REV3L: variants seen among roughly 807,000 people sequenced by gnomAD.
The protein encoded by REV3L is DNA polymerase zeta catalytic subunit.
In REV3L, 69 loss-of-function variants were observed where a neutral mutation model predicts 299.4. The observed-to-expected ratio is 0.23, with a 90% CI of 0.19 to 0.28. The LOEUF is 0.28. Among genes scored for constraint, REV3L ranks in the 10% least tolerant of loss-of-function variants. REV3L has a pLI of 1.00. For missense variants in REV3L, 3,128 were observed against 3,693.8 expected, an observed-to-expected ratio of 0.85 and a Z score of 3.97; for synonymous variants, 1,238 against 1,271.4, an observed-to-expected ratio of 0.97 and a Z score of 0.56.
In REV3L at chr6:111,367,129, C is replaced by G; in HGVS notation, c.6659G>C (p.Ser2220Thr). ...TGTACACTTACCTGTTGATAATGGG[C>G]TAAGGCCAGGTGCTTCAGGAAGCCT... ...LERLPEAPGL[S>T]PLSTEPKTQK... The change falls in exon 14 of 32, where the codon AGC (serine) becomes ACC (threonine). Residue 2220 changes from serine (S) to threonine (T), a missense_variant. By Grantham distance (58) the Ser-to-Thr change is moderately conservative. Coordinates refer to ENST00000368802, the MANE Select transcript of REV3L (RefSeq NM_001372078.1). 1.9e-6 allele frequency: 3 copies of G among 1,591,086 alleles called. No homozygotes were observed. The highest frequency in any genetic ancestry group is 2.6e-6 in the Non-Finnish European group (3 of 1,171,822).
rs992396560 is a variant in REV3L at position 111,299,205 on chromosome 6, T to TTAAC, written c.*807_*810dup. ...GTGTTCAAGATGATGGCAAATAAGATTAACTGTACAGTACATAAGGAAAGA... is the reference window on the plus strand; with the variant it reads ...GTGTTCAAGATGATGGCAAATAAGATTAACTAACTGTACAGTACATAAGGAAAGA... On this transcript the variant is annotated 3_prime_UTR_variant, in exon 32 of 32. Transcript: ENST00000368802. The TTAAC allele has an allele frequency of 2.0e-5, 3 of 152,588 alleles. No homozygotes were observed. The highest frequency in any genetic ancestry group is 2.9e-5 in the Non-Finnish European group (2 of 68,006). 9.5% of individuals were successfully genotyped at this position (152,588 alleles called of 1,614,324 possible). A position where few individuals can be genotyped will look rare whatever the true frequency, so the allele number is the denominator to read the frequency against.
At chr6:111,378,394 T>G (rs1317777070) in intron 11 of REV3L, among the ~76,000 whole-genome samples, 1 of 152,210 alleles carries the variant, frequency 6.6e-6, no homozygotes, top group African/African-American at 2.4e-5. Context: ...TACCCAATTT[T>G]TTCTTTCACT....
intron 1 of REV3L, among the ~76,000 whole-genome samples, chr6:111,454,241 C>T (rs1477807247): frequency 6.6e-6 from 1 of 151,526 alleles, no homozygotes; most frequent in East Asian, 1.9e-4. Flanking sequence ...CTGTGCTGGA[C>T]CCAATTTCAA....
chr6:111,328,932 GT>G (rs1363978084), intron 25 of REV3L, among the ~76,000 whole-genome samples: 15 of 152,060 alleles, frequency 9.9e-5, no homozygotes, highest in South Asian at 4.1e-4. Context: ...TGCCCGGCTA[GT>G]TTTTGCATTT....
intron 30 of REV3L, 66 bp downstream of exon 30, chr6:111,309,787 T>G: frequency 6.5e-7 from 1 of 1,549,602 alleles, no homozygotes; most frequent in Non-Finnish European, 8.7e-7. Context: ...AAACCTTTAG[T>G]TCTACTGAAA....
intron 26 of REV3L, among the ~76,000 whole-genome samples, chr6:111,315,996 T>C (rs1773475589): frequency 6.6e-6 from 1 of 152,032 alleles, no homozygotes; most frequent in African/African-American, 2.4e-5. Context: ...TCCCAGCATT[T>C]TGGGAGGCCA....
intron 10 of REV3L, 33 bp downstream of exon 10, chr6:111,381,292 A>T: frequency 6.2e-7 from 1 of 1,607,160 alleles, no homozygotes; most frequent in Non-Finnish European, 8.5e-7. Flanking sequence ...CTGAATTACA[A>T]TACTGAATAT....
intron 1 of REV3L, chr6:111,431,153 G>T: frequency 2.6e-6 from 4 of 1,541,778 alleles, no homozygotes; most frequent in Non-Finnish European, 3.6e-6. Context: ...AGCGATCTCA[G>T]CAGCCATGAG....
At chr6:111,336,264 A>G (rs1775887390) in intron 21 of REV3L, among the ~76,000 whole-genome samples, 1 of 152,060 alleles carries the variant, frequency 6.6e-6, no homozygotes, top group Non-Finnish European at 1.5e-5. Flanking sequence ...CAAATCCATA[A>G]AAAGAATTTT....
At chr6:111,453,294 C>T (rs1789770249) in intron 1 of REV3L, among the ~76,000 whole-genome samples, 1 of 152,152 alleles carries the variant, frequency 6.6e-6, no homozygotes, top group South Asian at 2.1e-4. Flanking sequence ...ATTAGAAGTT[C>T]TAATGTACAC....
chr6:111,327,597 T>C (rs1410133797), intron 25 of REV3L, among the ~76,000 whole-genome samples: 2 of 151,002 alleles, frequency 1.3e-5, no homozygotes, highest in Admixed American at 6.6e-5. Context: ...ACATTAGTAA[T>C]ATCATTTCCA....
chr6:111,394,543 C>A (rs1046786105), intron 4 of REV3L, among the ~76,000 whole-genome samples: 7 of 152,002 alleles, frequency 4.6e-5, no homozygotes, highest in African/African-American at 1.7e-4. Context: ...CAAATATTTT[C>A]TCTCATTCTG....
At chr6:111,431,548 T>TG in intron 1 of REV3L, 1 of 808,898 alleles carries the variant, frequency 1.2e-6, no homozygotes, top group South Asian at 1.5e-5. Flanking sequence ...CAACATGATC[T>TG]GTCTCTTGGG....
At position 111,372,947 on chromosome 6, in the gene REV3L, G is replaced by C; in HGVS notation, c.5408C>G (p.Thr1803Ser). Residue 1803 changes from threonine to serine, a missense_variant, in exon 13 of 32, where the codon ACC (threonine) becomes AGC (serine). Around this residue, in one of 9 missense-constraint regions of REV3L, gnomAD observed 2,409 missense variants for 2,611.8 expected, o/e 0.92. Coordinates refer to ENST00000368802, the MANE Select transcript of REV3L (RefSeq NM_001372078.1). ...PNNSDWIQGH[T>S]RKEMGQSLDS... ...AAGAGACTGTCCCATTTCTTTTCTG[G>C]TGTGACCTTGAATCCAGTCTGAATT... is the stretch of plus-strand genomic sequence containing the variant. 6.2e-7 allele frequency: 1 copy of C among 1,614,068 alleles called. No individual in the cohort carries two copies. Among genetic ancestry groups the C allele is most frequent in the African/African-American group, 1.3e-5 (1 of 75,024 alleles).
intron 1 of REV3L, among the ~76,000 whole-genome samples, chr6:111,437,175 G>C (rs1455201629): frequency 3.3e-5 from 5 of 152,194 alleles, no homozygotes; most frequent in Admixed American, 6.5e-5. Flanking sequence ...AGAATAGTCT[G>C]GTAGTTCTTC....
intron 1 of REV3L, among the ~76,000 whole-genome samples, chr6:111,428,470 C>G (rs373855316): frequency 9.2e-5 from 14 of 151,946 alleles, no homozygotes; most frequent in African/African-American, 3.1e-4. Flanking sequence ...AAATAACCTA[C>G]AAGACAACAC....
chr6:111,411,631 G>T, intron 2 of REV3L, 77 bp from the exon 3 acceptor site: 1 of 944,032 alleles, frequency 1.1e-6, no homozygotes, highest in Non-Finnish European at 1.6e-6. Flanking sequence ...GCCCTAATTA[G>T]ATTCAGCTGG....
intron 1 of REV3L, among the ~76,000 whole-genome samples, chr6:111,481,434 A>G (rs1793624974): frequency 6.6e-6 from 1 of 152,236 alleles, no homozygotes; most frequent in African/African-American, 2.4e-5. Flanking sequence ...CCATCTTTCA[A>G]GGTTCATATC....
At chr6:111,482,413 T>C (rs1294247232) in intron 1 of REV3L, among the ~76,000 whole-genome samples, 1 of 152,166 alleles carries the variant, frequency 6.6e-6, no homozygotes, top group Non-Finnish European at 1.5e-5. Context: ...CGCGGCCACC[T>C]GGCCCGCCGT....
Sources: allele counts gnomAD v4.1 joint callset (sites outside exome capture counted in the v4.1 genomes callset), GRCh38; gene constraint gnomAD v4.1.1; regional missense constraint gnomAD v4.1.1; transcripts MANE v1.5; gene names NCBI Gene and HGNC (gene_info 2026-07-23, HGNC 2026-07-21).